HDAC9: variants seen among roughly 807,000 people sequenced by gnomAD.
The protein encoded by HDAC9 is MEF-2 interacting transcription repressor (MITR) protein.
In HDAC9, 41 loss-of-function variants were observed where a neutral mutation model predicts 139.4. The ratio of observed to expected loss-of-function variants is 0.29; its 90% confidence interval spans 0.23 to 0.38. HDAC9 has a LOEUF of 0.38. HDAC9 is among the 10% of genes least tolerant of loss of function. The pLI, the probability that HDAC9 is intolerant of heterozygous loss-of-function variation, is 1.00. For missense variants in HDAC9, 1,147 were observed against 1,297.0 expected, an observed-to-expected ratio of 0.88 and a Z score of 1.78; for synonymous variants, 517 against 476.2, an observed-to-expected ratio of 1.09 and a Z score of -1.12.
intron 1 of HDAC9, among the ~76,000 whole-genome samples, chr7:18,343,699 C>T (rs1782187157): frequency 6.6e-6 from 1 of 151,778 alleles, no homozygotes; most frequent in African/African-American, 2.4e-5. Flanking sequence ...GCTCTTTTGC[C>T]TTCTCTACTT....
chr7:18,374,238 T>C (rs1784815259), intron 1 of HDAC9, among the ~76,000 whole-genome samples: 1 of 151,228 alleles, frequency 6.6e-6, no homozygotes, highest in African/African-American at 2.4e-5. Flanking sequence ...CATATATAGG[T>C]ACAGTTTAGA....
chr7:18,919,660 C>A (rs1223106430), intron 22 of HDAC9, among the ~76,000 whole-genome samples: 1 of 151,932 alleles, frequency 6.6e-6, no homozygotes, highest in Non-Finnish European at 1.5e-5. Context: ...AAGCAAAAGA[C>A]CAGGATGAAA....
chr7:18,089,833 G>C (rs1224009885), intron 1 of HDAC9, among the ~76,000 whole-genome samples: 1 of 152,072 alleles, frequency 6.6e-6, no homozygotes, highest in African/African-American at 2.4e-5. Flanking sequence ...TGTAGCATCT[G>C]TACCTTCTCA....
intron 1 of HDAC9, among the ~76,000 whole-genome samples, chr7:18,124,904 T>C (rs911255476): frequency 1.3e-4 from 19 of 151,808 alleles, no homozygotes; most frequent in African/African-American, 4.1e-4. Flanking sequence ...TTTTTCTTTT[T>C]TTTTTTTTAA....
At chr7:18,121,281 T>A (rs1294014682) in intron 1 of HDAC9, among the ~76,000 whole-genome samples, 10 of 152,202 alleles carry the variant, frequency 6.6e-5, no homozygotes, top group Non-Finnish European at 1.5e-4. Flanking sequence ...TTTTGGGACT[T>A]GCACATTGAA....
intron 1 of HDAC9, among the ~76,000 whole-genome samples, chr7:18,298,963 C>G (rs1362473910): frequency 6.6e-6 from 1 of 152,084 alleles, no homozygotes; most frequent in Non-Finnish European, 1.5e-5. Context: ...AGGATTGTAT[C>G]TGTTAGATTC....
At chr7:18,760,884 G>T (rs890844429) in intron 14 of HDAC9, among the ~76,000 whole-genome samples, 2 of 152,194 alleles carry the variant, frequency 1.3e-5, no homozygotes, top group South Asian at 4.1e-4. Flanking sequence ...TGAAGAGTCT[G>T]GCAGCAGCTG....
intron 16 of HDAC9, among the ~76,000 whole-genome samples, chr7:18,788,291 C>G (rs10266741): frequency 0.7 from 106,980 of 151,990 alleles, 39,662 homozygotes; most frequent in Non-Finnish European, 0.83. Context: ...CAGGCTCTCC[C>G]ATATCATACC....
intron 23 of HDAC9, among the ~76,000 whole-genome samples, chr7:18,951,911 G>T (rs1782823616): frequency 6.6e-6 from 1 of 151,810 alleles, no homozygotes; most frequent in Non-Finnish European, 1.5e-5. Flanking sequence ...CGCCATACAA[G>T]ATTTTAATTT....
intron 1 of HDAC9, among the ~76,000 whole-genome samples, chr7:18,483,708 G>A (rs1233246382): frequency 1.3e-5 from 2 of 152,136 alleles, no homozygotes; most frequent in East Asian, 3.9e-4. Context: ...TACAAATCAA[G>A]TTCTTTCTGT....
At chr7:18,273,900 A>G (rs1045270515) in intron 2 of HDAC9, among the ~76,000 whole-genome samples, 2 of 152,196 alleles carry the variant, frequency 1.3e-5, no homozygotes, top group African/African-American at 2.4e-5. Context: ...TTACGCATCT[A>G]TCATATTGAC....
chr7:18,427,713 T>A (rs77530960), intron 1 of HDAC9, among the ~76,000 whole-genome samples: 14,152 of 151,040 alleles, frequency 0.094, 1,023 homozygotes, highest in East Asian at 0.21. Flanking sequence ...TTTTTTTTTT[T>A]AAATATTTTC....
At chr7:18,182,894 C>T (rs1005282161) in intron 2 of HDAC9, among the ~76,000 whole-genome samples, 2 of 152,110 alleles carry the variant, frequency 1.3e-5, no homozygotes, top group African/African-American at 4.8e-5. Flanking sequence ...CAAGCATCAC[C>T]TTATCAATTA....
intron 4 of HDAC9, 25 bp from the exon 5 acceptor site, chr7:18,591,475 ATGTGTGTGTGTGTGTG>A (rs36100341): frequency 4.1e-6 from 6 of 1,474,028 alleles, no homozygotes; most frequent in African/African-American, 1.5e-5. Flanking sequence ...CTGTGTGTGT[ATGTGTGTGTGTGTGTG>A]TGTGTGTGTG....
chr7:18,803,127 C>T (rs1793436313), intron 17 of HDAC9, among the ~76,000 whole-genome samples: 3 of 151,542 alleles, frequency 2.0e-5, no homozygotes, highest in Admixed American at 2.0e-4. Context: ...CCTCTTTTTT[C>T]AGAAAATGCA....
intron 1 of HDAC9, among the ~76,000 whole-genome samples, chr7:18,323,207 A>G (rs1800162424): frequency 6.6e-6 from 1 of 152,054 alleles, no homozygotes. Context: ...CTCCATATCC[A>G]CTGATTTCCA....
In HDAC9 at chr7:18,351,758, A is replaced by G. The variant is rs532917279; in HGVS notation, c.-42+61243A>G. Among the ~76,000 whole-genome samples the G allele has an allele frequency of 1.8e-3, 270 of 152,346 alleles. 1 individual carries two copies. The highest frequency in any genetic ancestry group is 3.2e-3 in the Non-Finnish European group (218 of 68,028). The stretch of plus-strand genomic sequence containing the variant: ...TGAGTTAGCATTTGCAAAGCCCTAC[A>G]TAAATATTTGCTGTGTAGATAATGT... On this transcript the variant is annotated intron_variant, in intron 1 of 3. Coordinates refer to the HDAC9 transcript ENST00000413509.
intron 2 of HDAC9, among the ~76,000 whole-genome samples, chr7:18,569,437 G>T (rs71524248): frequency 0.12 from 18,237 of 152,170 alleles, 1,181 homozygotes; most frequent in South Asian, 0.22. Flanking sequence ...GTTCTGCATA[G>T]TTACCTTCAT....
intron 12 of HDAC9, among the ~76,000 whole-genome samples, chr7:18,683,791 A>G (rs563210105): frequency 2.6e-5 from 4 of 152,028 alleles, no homozygotes; most frequent in Non-Finnish European, 5.9e-5. Flanking sequence ...TGGAGGCATC[A>G]AAGTCTGAGA....
Sources: gnomAD v4.1 joint callset for allele counts (sites outside exome capture counted in the v4.1 genomes callset) on GRCh38, gnomAD v4.1.1 for gene constraint, MANE v1.5 for transcripts, NCBI Gene and HGNC (gene_info 2026-07-23, HGNC 2026-07-21) for gene names.